The following CNTN5 variants were observed in gnomAD, a reference collection of about 807,000 sequenced individuals.
CNTN5 encodes the protein contactin 5.
Under a neutral mutation model 129.1 loss-of-function variants are expected in CNTN5, and 77 were observed. That is an observed-to-expected ratio of 0.60 (90% CI 0.50 to 0.72). The LOEUF is 0.72. Ranked by LOEUF, CNTN5 falls within the 30% of genes least tolerant of loss-of-function variation. The probability of loss-of-function intolerance (pLI) is 0.00; values close to 1 mark genes in which losing one functional copy is unlikely to be tolerated. For synonymous variants in CNTN5, 509 were observed against 465.6 expected (o/e 1.09, Z -1.20); for missense variants, 1,478 against 1,328.8 (o/e 1.11, Z -1.75).
chr11:99,922,099 G>A (rs1319189669), intron 7 of CNTN5, among the ~76,000 whole-genome samples: 1 of 152,124 alleles, frequency 6.6e-6, no homozygotes, highest in African/African-American at 2.4e-5. Context: ...AGGTTTAATG[G>A]ACTCACAGTT....
At chr11:99,123,755 T>A (rs1858476575) in intron 1 of CNTN5, among the ~76,000 whole-genome samples, 1 of 152,002 alleles carries the variant, frequency 6.6e-6, no homozygotes, top group Non-Finnish European at 1.5e-5. Context: ...AATTTCAATC[T>A]TCTGCCTATG....
chr11:100,081,922 G>A (rs1020333541), intron 13 of CNTN5, among the ~76,000 whole-genome samples: 2 of 152,098 alleles, frequency 1.3e-5, no homozygotes, highest in Admixed American at 6.6e-5. Context: ...GGAGCACTGA[G>A]AGAAAAAAGA....
intron 1 of CNTN5, among the ~76,000 whole-genome samples, chr11:99,077,436 G>C (rs760125646): frequency 1.2e-4 from 19 of 152,168 alleles, no homozygotes; most frequent in Non-Finnish European, 1.3e-4. Context: ...CTACTCCATA[G>C]ATTCTGGATA....
At chr11:100,055,864 C>T (rs1943199541) in intron 9 of CNTN5, among the ~76,000 whole-genome samples, 2 of 151,508 alleles carry the variant, frequency 1.3e-5, no homozygotes, top group African/African-American at 2.4e-5. Flanking sequence ...CTCTTGCTCT[C>T]ACTCTCTCTT....
At chr11:99,984,094 C>T (rs1938520737) in intron 8 of CNTN5, among the ~76,000 whole-genome samples, 1 of 151,826 alleles carries the variant, frequency 6.6e-6, no homozygotes, top group South Asian at 2.1e-4. Context: ...ATGATGAAAC[C>T]CCATTTCTAC....
At position 99,504,578 on chromosome 11, in the gene CNTN5, A is replaced by G. The variant is rs541551967; in HGVS notation, c.-70-51567A>G. Among the ~76,000 whole-genome samples, 4 of 152,080 alleles carry G rather than the reference A, an allele frequency of 2.6e-5. No homozygotes were observed. The East Asian group carries it at 7.7e-4, about 29-fold the overall frequency. The stretch of plus-strand genomic sequence containing the variant: ...AAAAGAAATTAAAATATAATTTTAC[A>G]TTTGAGACACACTAACAATTCAGTT... On this transcript the variant is annotated intron_variant, in intron 2 of 24. Coordinates refer to ENST00000524871, the MANE Select transcript of CNTN5 (RefSeq NM_014361.4).
intron 3 of CNTN5, among the ~76,000 whole-genome samples, chr11:99,697,593 T>A (rs920085844): frequency 6.6e-6 from 1 of 151,320 alleles, no homozygotes; most frequent in Non-Finnish European, 1.5e-5. Context: ...CCTAAGGAGA[T>A]GTGTTGAATA....
intron 1 of CNTN5, among the ~76,000 whole-genome samples, chr11:99,030,882 G>A (rs768875326): frequency 6.7e-6 from 1 of 149,764 alleles, no homozygotes; most frequent in Non-Finnish European, 1.5e-5. Context: ...CCGGGTTCAC[G>A]CCATTCTGCT....
intron 1 of CNTN5, among the ~76,000 whole-genome samples, chr11:99,269,426 A>G (rs1320555127): frequency 2.6e-5 from 4 of 151,830 alleles, no homozygotes. Context: ...TACTCAAAAG[A>G]GCTGACCTGT....
intron 2 of CNTN5, among the ~76,000 whole-genome samples, chr11:99,435,935 T>A (rs1943581964): frequency 6.6e-6 from 1 of 152,176 alleles, no homozygotes; most frequent in Non-Finnish European, 1.5e-5. Flanking sequence ...AGAATTACAG[T>A]GCAAGGTTTT....
chr11:99,709,476 A>G (rs891400784), intron 3 of CNTN5, among the ~76,000 whole-genome samples: 1 of 151,822 alleles, frequency 6.6e-6, no homozygotes, highest in Non-Finnish European at 1.5e-5. Context: ...TAAATACCCC[A>G]TGTGTGCACA....
intron 2 of CNTN5, among the ~76,000 whole-genome samples, chr11:99,379,045 C>T (rs1940360527): frequency 6.6e-6 from 1 of 151,802 alleles, no homozygotes; most frequent in South Asian, 2.1e-4. Context: ...CATCTCTATG[C>T]CTATTGCCTA....
At chr11:100,196,612 T>C (rs779532629) in intron 15 of CNTN5, among the ~76,000 whole-genome samples, 5 of 152,032 alleles carry the variant, frequency 3.3e-5, no homozygotes, top group Non-Finnish European at 5.9e-5. Flanking sequence ...ATAGTATTGC[T>C]TTAAATTAAA....
chr11:100,078,963 G>A (rs1032014623), intron 13 of CNTN5, among the ~76,000 whole-genome samples: 4 of 152,090 alleles, frequency 2.6e-5, no homozygotes, highest in South Asian at 2.1e-4. Flanking sequence ...CTCAGGAAAC[G>A]TACAATCATG....
At chr11:99,102,168 G>A (rs757359149) in intron 1 of CNTN5, among the ~76,000 whole-genome samples, 1 of 152,036 alleles carries the variant, frequency 6.6e-6, no homozygotes, top group African/African-American at 2.4e-5. Context: ...TGGGACACAA[G>A]GCACCAAGTA....
intron 2 of CNTN5, among the ~76,000 whole-genome samples, chr11:99,536,444 C>T (rs886634551): frequency 6.6e-6 from 1 of 151,934 alleles, no homozygotes; most frequent in African/African-American, 2.4e-5. Context: ...ATCTTAAAAA[C>T]CGACTGGTTA....
chr11:99,526,767 C>A (rs1254180534), intron 2 of CNTN5, among the ~76,000 whole-genome samples: 1 of 152,166 alleles, frequency 6.6e-6, no homozygotes, highest in Non-Finnish European at 1.5e-5. Context: ...CCTACATATT[C>A]ATTATGTGTA....
intron 1 of CNTN5, among the ~76,000 whole-genome samples, chr11:99,256,537 G>T (rs1470470505): frequency 6.6e-6 from 1 of 151,772 alleles, no homozygotes; most frequent in Non-Finnish European, 1.5e-5. Flanking sequence ...AGGCTTGGTG[G>T]TGATATTAAT....
chr11:100,325,859 T>C (rs1161516774), intron 21 of CNTN5, among the ~76,000 whole-genome samples: 1 of 152,174 alleles, frequency 6.6e-6, no homozygotes, highest in Non-Finnish European at 1.5e-5. Flanking sequence ...AGGAAAATCT[T>C]TGAAAGAGAA....
Sources: gnomAD v4.1 joint callset for allele counts (sites outside exome capture counted in the v4.1 genomes callset) on GRCh38, gnomAD v4.1.1 for gene constraint, MANE v1.5 for transcripts, NCBI Gene and HGNC (gene_info 2026-07-23, HGNC 2026-07-21) for gene names.